Variants in ZC3HAV1 observed in about 807,000 individuals in gnomAD.
ZC3HAV1 encodes zinc finger CCCH-type containing, antiviral 1.
In ZC3HAV1, 41 loss-of-function variants were observed where a neutral mutation model predicts 86.6. The ratio of observed to expected loss-of-function variants is 0.47; its 90% CI spans 0.37 to 0.61. The LOEUF (loss-of-function observed/expected upper bound fraction) is 0.61, where lower values mean the gene tolerates loss of function less well. Among genes scored for constraint, ZC3HAV1 ranks in the 20% least tolerant of loss-of-function variants. The probability of loss-of-function intolerance (pLI) is 0.00; values close to 1 mark genes in which losing one functional copy is unlikely to be tolerated. For synonymous variants in ZC3HAV1, 421 were observed against 432.1 expected (o/e 0.97, Z 0.32); for missense variants, 964 against 1,141.1 (o/e 0.84, Z 2.24).
chr7:139,069,539 C>T (rs929960156), intron 7 of ZC3HAV1, among the ~76,000 whole-genome samples: 2 of 152,118 alleles, frequency 1.3e-5, no homozygotes, highest in African/African-American at 2.4e-5. Flanking sequence ...GCACATTCAA[C>T]GACTCCCAGG....
chr7:139,075,404 C>A (rs1263521577), intron 6 of ZC3HAV1, among the ~76,000 whole-genome samples: 1 of 152,174 alleles, frequency 6.6e-6, no homozygotes, highest in Non-Finnish European at 1.5e-5. Flanking sequence ...GGGTATCACC[C>A]ATTTCAGCTC....
intron 9 of ZC3HAV1, chr7:139,060,691 A>AC (rs1427063227): frequency 5.5e-6 from 6 of 1,091,200 alleles, no homozygotes; most frequent in Non-Finnish European, 6.7e-6. Context: ...AAAAAAAAAA[A>AC]AAGAATCCAC....
chr7:139,093,620 C>T (rs941576421), intron 1 of ZC3HAV1, among the ~76,000 whole-genome samples: 3 of 152,216 alleles, frequency 2.0e-5, no homozygotes, highest in East Asian at 1.9e-4. Flanking sequence ...CTTGTGTCCC[C>T]GGCCCCTGCC....
At chr7:139,103,273 A>ATT (rs1056687685) in intron 1 of ZC3HAV1, among the ~76,000 whole-genome samples, 2 of 142,074 alleles carry the variant, frequency 1.4e-5, no homozygotes, top group Non-Finnish European at 1.5e-5. Context: ...TTATTTTTTT[A>ATT]TTTTTTTTTT....
chr7:139,109,212 C>A lies in ZC3HAV1; in HGVS notation c.120G>T (p.Val40=), dbSNP rs780376330. The stretch of plus-strand genomic sequence containing the variant: ...AGCGGTCGGGCCCGGCCACCTGCAG[C>A]ACCTCACAGAGCTGCGGCTCAGACA... ...IALSEPQLCE[V]LQVAGPDRFV... is the part of the protein sequence containing the mutation. Residue 40 remains valine, a synonymous_variant, in exon 1 of 13, where the codon GTG becomes GTT. Coordinates refer to ENST00000242351, the MANE Select transcript of ZC3HAV1 (RefSeq NM_020119.4). 4.3e-6 allele frequency: 7 copies of A among 1,609,540 alleles called. No individual in the cohort carries two copies. The East Asian group carries it at 1.6e-4, about 36-fold the overall frequency.
In ZC3HAV1 at chr7:139,053,540, TA is replaced by T; in HGVS notation, c.2359del (p.Tyr787MetfsTer56). 6.2e-7 allele frequency: 1 copy of T among 1,605,522 alleles called. No homozygotes were observed. The highest frequency in any genetic ancestry group is 8.5e-7 in the Non-Finnish European group (1 of 1,177,264). ...TTCCACATAGGCACGGCTTGTCGCATAAAATAGGAGTTTTCCTTCTTCCTTC... is the reference window on the plus strand; with the variant it reads ...TTCCACATAGGCACGGCTTGTCGCATAAATAGGAGTTTTCCTTCTTCCTTC... ...QMKEEGKLLF[Y>X]ATSRAYVESI... On this transcript the variant is annotated frameshift_variant, in exon 12 of 13. Transcript: ENST00000242351. LOFTEE classifies it high-confidence loss of function.
At chr7:139,062,986 G>A (rs57352501) in intron 8 of ZC3HAV1, among the ~76,000 whole-genome samples, 33,421 of 138,962 alleles carry the variant, frequency 0.24, 4,305 homozygotes, top group East Asian at 0.44. Context: ...CCGAGATTGC[G>A]CCTTTGCACT....
intron 4 of ZC3HAV1, chr7:139,079,027 C>T (rs979141666): frequency 1.9e-5 from 28 of 1,508,734 alleles, no homozygotes; most frequent in Middle Eastern, 2.3e-4. Flanking sequence ...GGGGAACATC[C>T]AAGGAAAAAC....
In ZC3HAV1 at chr7:139,044,492, A is replaced by AT. The variant is rs1206578804; in HGVS notation, c.*3101dup. 6.6e-6 allele frequency: 1 copy of AT among 152,088 alleles called. No homozygotes were observed. The highest frequency in any genetic ancestry group is 2.4e-5 in the African/African-American group (1 of 41,388). 9.4% of individuals were successfully genotyped at this position (152,088 alleles called of 1,614,324 possible). A position where few individuals can be genotyped will look rare whatever the true frequency, so the allele number is the denominator to read the frequency against. On this transcript the variant is annotated 3_prime_UTR_variant, in exon 13 of 13. Transcript: ENST00000242351. ...ATAAGAGAGTTAGGGCATTAAATTG[A>AT]TTTTTTTAAGAAATTCATGTGTGTA... is the stretch of plus-strand genomic sequence containing the variant.
chr7:139,096,632 C>T (rs770566243), intron 1 of ZC3HAV1, among the ~76,000 whole-genome samples: 25 of 152,108 alleles, frequency 1.6e-4, no homozygotes, highest in Non-Finnish European at 3.1e-4. Flanking sequence ...AGTCATAGAA[C>T]CCCTAATCTC....
chr7:139,059,308 A>T (rs185114883), intron 9 of ZC3HAV1, among the ~76,000 whole-genome samples: 1 of 152,284 alleles, frequency 6.6e-6, no homozygotes, highest in Admixed American at 6.5e-5. Context: ...TTACTTTATT[A>T]ATTTGAATAT....
In ZC3HAV1 at chr7:139,045,899, C is replaced by CAATT. The variant is rs1491062003; in HGVS notation, c.*1694_*1695insAATT. 1.9e-5 allele frequency: 2 copies of CAATT among 103,674 alleles called. No homozygotes were observed. Among genetic ancestry groups the CAATT allele is most frequent in the African/African-American group, 8.2e-5 (2 of 24,296 alleles). 6.4% of individuals were successfully genotyped at this position (103,674 alleles called of 1,614,324 possible). A position where few individuals can be genotyped will look rare whatever the true frequency, so the allele number is the denominator to read the frequency against. On this transcript the variant is annotated 3_prime_UTR_variant, in exon 13 of 13. Coordinates refer to ENST00000242351, the MANE Select transcript of ZC3HAV1 (RefSeq NM_020119.4). ...AGAAAATAACTCTACTCTAAAAAAA[C>CAATT]TATTTTTTTTTTTTTTTTTTTTTTT...
In ZC3HAV1 at chr7:139,044,712, C is replaced by T. The variant is rs1815909678; in HGVS notation, c.*2882G>A. 1 of 152,510 alleles carries T rather than the reference C, an allele frequency of 6.6e-6. No individual in the cohort carries two copies. The highest frequency in any genetic ancestry group is 2.4e-5 in the African/African-American group (1 of 41,382). 9.4% of individuals were successfully genotyped at this position (152,510 alleles called of 1,614,324 possible). A position where few individuals can be genotyped will look rare whatever the true frequency, so the allele number is the denominator to read the frequency against. On this transcript the variant is annotated 3_prime_UTR_variant, in exon 13 of 13. Transcript: ENST00000242351. ...CATCTTGCAATACATTGGACAGTTCCTCACAATAAGAAATTACTCTGCACC... is the reference window on the plus strand; with the variant it reads ...CATCTTGCAATACATTGGACAGTTCTTCACAATAAGAAATTACTCTGCACC...
At chr7:139,094,759 G>A (rs1817534930) in intron 1 of ZC3HAV1, among the ~76,000 whole-genome samples, 1 of 152,076 alleles carries the variant, frequency 6.6e-6, no homozygotes, top group East Asian at 1.9e-4. Flanking sequence ...CTAACCCTGG[G>A]CCACACCCTG....
At chr7:139,083,750 T>TCA in intron 3 of ZC3HAV1, 30 bp downstream of exon 3, 1 of 1,547,856 alleles carries the variant, frequency 6.5e-7, no homozygotes. Context: ...AAAAAAGAGT[T>TCA]CACACAATTG....
chr7:139,084,005 G>A lies in ZC3HAV1; in HGVS notation c.472C>T (p.Arg158Trp), dbSNP rs774990430. 107 of 1,613,948 alleles carry A rather than the reference G, an allele frequency of 6.6e-5. No homozygotes were observed. The highest frequency in any genetic ancestry group is 4.3e-4 in the South Asian group (39 of 91,078). ...GGCTGCTGGTTACAAATCTGCTGCC[G>A]ACCCTCTCCCTTATAACTTTTGCAT... is the stretch of plus-strand genomic sequence containing the variant. ...EICKSYKGEG[R>W]QQICNQQPPC... is the part of the protein sequence containing the mutation. The change falls in exon 3 of 13, where the codon CGG becomes TGG. Residue 158 changes from arginine (R) to tryptophan (W), a missense_variant. Transcript: ENST00000242351.
intron 7 of ZC3HAV1, 72 bp from the exon 8 acceptor site, chr7:139,065,071 T>C (rs1816558557): frequency 6.3e-7 from 1 of 1,589,410 alleles, no homozygotes; most frequent in Admixed American, 1.7e-5. Flanking sequence ...TATGATTTCG[T>C]TTTAGCAATG....
rs770566838 is a variant in ZC3HAV1 at position 139,047,808 on chromosome 7, G to A, written c.2495C>T (p.Pro832Leu). The stretch of plus-strand genomic sequence containing the variant: ...CATAACGACGTTTTTGGCATCATAC[G>A]GGCAATTTTTGTGGGAATAGATGGC... ...KDAIYSHKNC[P>L]YDAKNVVMFV... The change falls in exon 13 of 13, where the codon CCG becomes CTG. Residue 832 changes from proline to leucine, a missense_variant. Pro to Leu is a moderately conservative substitution (Grantham distance 98). Transcript: ENST00000242351. 1.5e-5 allele frequency: 24 copies of A among 1,613,684 alleles called. No homozygotes were observed. In the South Asian group the frequency reaches 1.5e-4, roughly 10 times the overall value.
intron 12 of ZC3HAV1, among the ~76,000 whole-genome samples, chr7:139,052,496 T>C (rs1431441647): frequency 2.0e-5 from 3 of 150,078 alleles, no homozygotes; most frequent in Non-Finnish European, 1.5e-5. Context: ...TCCCAGCTAC[T>C]TGAGAGGCTG....
Sources: gnomAD v4.1 joint callset for allele counts (sites outside exome capture counted in the v4.1 genomes callset) on GRCh38, gnomAD v4.1.1 for gene constraint, MANE v1.5 for transcripts, NCBI Gene and HGNC (gene_info 2026-07-23, HGNC 2026-07-21) for gene names.